TCAIM: variants seen among roughly 807,000 people sequenced by gnomAD.
TCAIM encodes T cell activation inhibitor, mitochondrial.
A neutral mutation model predicts 58.6 loss-of-function variants in TCAIM; 36 were observed. That is an observed-to-expected ratio of 0.61 (90% CI 0.47 to 0.81). The LOEUF is 0.81. Ranked by LOEUF, TCAIM falls within the 30% of genes least tolerant of loss-of-function variation. The probability of loss-of-function intolerance (pLI) is 0.00; values close to 1 mark genes in which losing one functional copy is unlikely to be tolerated. For synonymous variants in TCAIM, 172 were observed against 193.6 expected (o/e 0.89, Z 0.93); for missense variants, 466 against 579.6 (o/e 0.80, Z 2.01).
intron 1 of TCAIM, among the ~76,000 whole-genome samples, chr3:44,351,293 G>A (rs530834713): frequency 3.2e-4 from 48 of 151,320 alleles, no homozygotes; most frequent in African/African-American, 1.1e-3. Context: ...TTCTTACGGA[G>A]CAAAGAGCAG....
chr3:44,367,668 G>A lies in TCAIM; in HGVS notation c.532G>A (p.Glu178Lys). 6.2e-7 allele frequency: 1 copy of A among 1,613,958 alleles called. No individual in the cohort carries two copies. The highest frequency in any genetic ancestry group is 8.5e-7 in the Non-Finnish European group (1 of 1,179,864). ...CTTTACTGGATTCAAGGACCCTGATGAAGACCTTGAACAAGTCTCGAGAGT... is the reference window on the plus strand; with the variant it reads ...CTTTACTGGATTCAAGGACCCTGATAAAGACCTTGAACAAGTCTCGAGAGT... Reference protein sequence around the residue: ...YSFTGFKDPDEDLEQVSRVET... With the variant: ...YSFTGFKDPDKDLEQVSRVET... The change falls in exon 5 of 11, where the codon GAA becomes AAA. Residue 178 changes from glutamate (E) to lysine (K), a missense_variant. Coordinates refer to ENST00000342649, the MANE Select transcript of TCAIM (RefSeq NM_173826.4).
chr3:44,356,690 G>T (rs1362007539), intron 2 of TCAIM, among the ~76,000 whole-genome samples: 5 of 151,812 alleles, frequency 3.3e-5, no homozygotes, highest in East Asian at 3.9e-4. Context: ...TCACGGCCAG[G>T]TATGGTGGCT....
chr3:44,360,615 T>C (rs1291062771), intron 3 of TCAIM, among the ~76,000 whole-genome samples: 1 of 151,906 alleles, frequency 6.6e-6, no homozygotes, highest in South Asian at 2.1e-4. Flanking sequence ...TTTTTTAATT[T>C]TTTTGGAGAC....
At chr3:44,342,768 A>T (rs534974820) in intron 1 of TCAIM, among the ~76,000 whole-genome samples, 1 of 151,990 alleles carries the variant, frequency 6.6e-6, no homozygotes, top group Admixed American at 6.6e-5. Context: ...TCAAATCAGT[A>T]ATATGTTGGG....
chr3:44,381,335 C>A (rs1251853299), intron 5 of TCAIM, among the ~76,000 whole-genome samples: 1 of 151,926 alleles, frequency 6.6e-6, no homozygotes, highest in African/African-American at 2.4e-5. Flanking sequence ...GCGATACACA[C>A]TAACAGAATG....
intron 10 of TCAIM, among the ~76,000 whole-genome samples, chr3:44,403,112 T>C (rs1426698150): frequency 6.6e-6 from 1 of 151,982 alleles, no homozygotes; most frequent in Admixed American, 6.6e-5. Flanking sequence ...CTACTAAAAA[T>C]ATAAAAATTA....
chr3:44,342,640 A>G (rs1700877093), intron 1 of TCAIM, among the ~76,000 whole-genome samples: 1 of 152,092 alleles, frequency 6.6e-6, no homozygotes, highest in Non-Finnish European at 1.5e-5. Flanking sequence ...CCCACTAAAC[A>G]TCTGCTTCTT....
intron 9 of TCAIM, 89 bp downstream of exon 9, chr3:44,400,676 G>A: frequency 2.7e-6 from 3 of 1,127,720 alleles, no homozygotes; most frequent in Non-Finnish European, 3.9e-6. Context: ...GTATTTCAAT[G>A]GGTAGTTCTT....
At chr3:44,344,828 G>A (rs1253235666) in intron 1 of TCAIM, among the ~76,000 whole-genome samples, 1 of 152,032 alleles carries the variant, frequency 6.6e-6, no homozygotes, top group Admixed American at 6.5e-5. Context: ...CAGTCAAAGG[G>A]GATTGTTCTC....
intron 5 of TCAIM, chr3:44,367,949 G>A (rs1245658351): frequency 2.1e-5 from 8 of 385,754 alleles, no homozygotes; most frequent in African/African-American, 4.1e-5. Context: ...ATTTAAAGTT[G>A]TGGTCTTTTG....
At chr3:44,400,737 A>T in intron 9 of TCAIM, 150 bp downstream of exon 9, 1 of 673,526 alleles carries the variant, frequency 1.5e-6, no homozygotes, top group South Asian at 1.8e-5. Flanking sequence ...CCTCTTCTAC[A>T]CACTAGAAAA....
At chr3:44,391,526 A>G (rs570396550) in intron 5 of TCAIM, among the ~76,000 whole-genome samples, 6 of 152,268 alleles carry the variant, frequency 3.9e-5, no homozygotes, top group African/African-American at 1.4e-4. Flanking sequence ...TTGTAAGACT[A>G]TTGAGGTAAA....
In TCAIM at chr3:44,367,566, A is replaced by C; in HGVS notation, c.430A>C (p.Asn144His). 1 of 1,614,140 alleles carries C rather than the reference A, an allele frequency of 6.2e-7. No individual in the cohort carries two copies. Among genetic ancestry groups the C allele is most frequent in the Non-Finnish European group, 8.5e-7 (1 of 1,180,016 alleles). The change falls in exon 5 of 11, where the codon AAT (asparagine) becomes CAT (histidine). Residue 144 changes from asparagine to histidine, a missense_variant. Transcript: ENST00000342649. ...TGAACATATCCAAAGCTTGAATACT[A>C]ATATGCATACCCAGCCTCTCAAAGA... ...SVEHIQSLNT[N>H]MHTQPLKEAK... is the part of the protein sequence containing the mutation.
chr3:44,348,187 T>G (rs914310354), intron 1 of TCAIM, among the ~76,000 whole-genome samples: 3 of 152,080 alleles, frequency 2.0e-5, no homozygotes, highest in African/African-American at 7.2e-5. Context: ...GCCTCTGTAT[T>G]AAGAAGGGGA....
chr3:44,372,013 G>GAGA (rs1701480258), intron 5 of TCAIM, among the ~76,000 whole-genome samples: 1 of 15,166 alleles, frequency 6.6e-5, no homozygotes, highest in Admixed American at 7.0e-4. Flanking sequence ...AAAGAGAGAA[G>GAGA]GAAGGAAGGA....
At chr3:44,369,788 T>G (rs1414134809) in intron 5 of TCAIM, among the ~76,000 whole-genome samples, 6 of 152,240 alleles carry the variant, frequency 3.9e-5, no homozygotes, top group African/African-American at 1.4e-4. Context: ...ATCTACTTCA[T>G]AGATTCATAG....
intron 5 of TCAIM, among the ~76,000 whole-genome samples, chr3:44,383,158 C>G (rs1339277872): frequency 6.6e-6 from 1 of 152,174 alleles, no homozygotes; most frequent in Non-Finnish European, 1.5e-5. Flanking sequence ...AATAGTGCAG[C>G]TGCTATGGAA....
intron 4 of TCAIM, chr3:44,362,656 G>T: frequency 2.7e-6 from 1 of 367,888 alleles, no homozygotes; most frequent in East Asian, 3.9e-5. Flanking sequence ...AATATTTAAA[G>T]ATAGAAAGTC....
intron 1 of TCAIM, among the ~76,000 whole-genome samples, chr3:44,347,488 G>A (rs943571195): frequency 6.6e-6 from 1 of 152,152 alleles, no homozygotes; most frequent in Non-Finnish European, 1.5e-5. Context: ...GGAGTGCAGG[G>A]GAATAGTGGA....
Sources: allele counts gnomAD v4.1 joint callset (sites outside exome capture counted in the v4.1 genomes callset), GRCh38; gene constraint gnomAD v4.1.1; transcripts MANE v1.5; gene names NCBI Gene and HGNC (gene_info 2026-07-23, HGNC 2026-07-21).